Variants in PLEKHG7 observed in about 807,000 individuals in gnomAD.
PLEKHG7 encodes pleckstrin homology and RhoGEF domain containing G7, also known as pleckstrin homology domain-containing family G member 7.
A neutral mutation model predicts 85.2 loss-of-function variants in PLEKHG7; 77 were observed. That is an observed-to-expected ratio of 0.90 (90% CI 0.75 to 1.09). The LOEUF is 1.09. Among genes scored for constraint, PLEKHG7 ranks in the 50% least tolerant of loss-of-function variants. The pLI is 0.00. For synonymous variants in PLEKHG7, 301 were observed against 302.4 expected (o/e 1.00, Z 0.05); for missense variants, 777 against 804.3 (o/e 0.97, Z 0.41).
intron 14 of PLEKHG7, among the ~76,000 whole-genome samples, chr12:92,762,809 G>A (rs1020007428): frequency 1.3e-5 from 2 of 152,148 alleles, no homozygotes; most frequent in African/African-American, 4.8e-5. Flanking sequence ...AATAAACTAA[G>A]CTTCTACATG....
chr12:92,733,724 T>A (rs1565790601), intron 5 of PLEKHG7, among the ~76,000 whole-genome samples: 1 of 152,186 alleles, frequency 6.6e-6, no homozygotes, highest in Non-Finnish European at 1.5e-5. Flanking sequence ...CTCTGAGGGC[T>A]GCCTGAGAGA....
At chr12:92,742,026 A>G (rs1872371536) in intron 9 of PLEKHG7, among the ~76,000 whole-genome samples, 1 of 152,166 alleles carries the variant, frequency 6.6e-6, no homozygotes, top group East Asian at 1.9e-4. Context: ...AAAGAGGAAA[A>G]CCTGTACCCC....
chr12:92,742,372 A>C (rs1253748800), intron 9 of PLEKHG7, among the ~76,000 whole-genome samples: 1 of 152,206 alleles, frequency 6.6e-6, no homozygotes, highest in Non-Finnish European at 1.5e-5. Context: ...AAAAGGAGTA[A>C]CATAAATATA....
intron 14 of PLEKHG7, 108 bp from the exon 15 acceptor site, chr12:92,763,933 G>C (rs1274454780): frequency 4.3e-6 from 4 of 928,754 alleles, no homozygotes; most frequent in Non-Finnish European, 6.1e-6. Flanking sequence ...GGCAATAATA[G>C]TTTTTAGGCA....
At chr12:92,759,586 T>A (rs1406714535) in intron 13 of PLEKHG7, among the ~76,000 whole-genome samples, 2 of 152,214 alleles carry the variant, frequency 1.3e-5, no homozygotes, top group African/African-American at 4.8e-5. Context: ...GCTGGAGCCT[T>A]GATCTGATAG....
rs769474268 is a variant in PLEKHG7, at chr12:92,706,779, A to T, written c.148A>T (p.Thr50Ser). 4 of 1,613,924 alleles carry T rather than the reference A, an allele frequency of 2.5e-6. No homozygotes were observed. The highest frequency in any genetic ancestry group is 2.5e-6 in the Non-Finnish European group (3 of 1,180,018). The change falls in exon 2 of 17, where the codon ACT (threonine) becomes TCT (serine). Residue 50 changes from threonine (T) to serine (S), a missense_variant. By Grantham distance (58) the Thr-to-Ser change is moderately conservative. Around this residue, in one of 3 missense-constraint regions of PLEKHG7, gnomAD observed 252 missense variants for 241.9 expected, o/e 1.04. Coordinates refer to ENST00000344636, the MANE Select transcript of PLEKHG7 (RefSeq NM_001377329.1). ...CCCAGGCCGCATCTCCACCTCGCCC[A>T]CTTTGAGGAGATTAAGGACCCGTGG... ...QAPGRISTSP[T>S]LRRLRTRGCG...
intron 9 of PLEKHG7, among the ~76,000 whole-genome samples, chr12:92,742,591 G>GTTTT (rs35922583): frequency 4.9e-5 from 7 of 143,142 alleles, no homozygotes; most frequent in Non-Finnish European, 7.6e-5. Flanking sequence ...TTGTTGTTTA[G>GTTTT]TTTTTTTTTT....
intron 9 of PLEKHG7, 70 bp downstream of exon 9, chr12:92,741,662 C>T (rs1872360819): frequency 2.6e-6 from 3 of 1,160,852 alleles, no homozygotes; most frequent in Non-Finnish European, 3.7e-6. Context: ...GTTGTTTATA[C>T]CCTACTTGAT....
intron 5 of PLEKHG7, among the ~76,000 whole-genome samples, chr12:92,732,872 T>C (rs1293790522): frequency 6.6e-6 from 1 of 152,126 alleles, no homozygotes; most frequent in Admixed American, 6.5e-5. Context: ...GGAGGGAATG[T>C]TCATGATGAC....
chr12:92,765,841 C>T (rs1873180162), intron 15 of PLEKHG7, among the ~76,000 whole-genome samples: 1 of 151,880 alleles, frequency 6.6e-6, no homozygotes, highest in South Asian at 2.1e-4. Context: ...ATATATTAAC[C>T]CATGAATTAA....
chr12:92,741,543 A>G lies in PLEKHG7; in HGVS notation c.1088A>G (p.Asp363Gly). The change falls in exon 9 of 17, where the codon GAC becomes GGC. Residue 363 changes from aspartate (D) to glycine (G), a missense_variant. Physicochemically the swap from Asp to Gly is moderately conservative, Grantham distance 94 (BLOSUM62 -1). Coordinates refer to ENST00000344636, the MANE Select transcript of PLEKHG7 (RefSeq NM_001377329.1). ...TTTGGCATCATCAAGGACTATGTAG[A>G]CGCTTCTGAGATTTCCTCATCACTG... ...SLFGIIKDYV[D>G]ASEISSSLDF... 1.2e-6 allele frequency: 2 copies of G among 1,613,564 alleles called. No homozygotes were observed. The highest frequency in any genetic ancestry group is 1.7e-6 in the Non-Finnish European group (2 of 1,179,792).
intron 3 of PLEKHG7, among the ~76,000 whole-genome samples, chr12:92,709,110 A>G (rs1169897097): frequency 6.6e-6 from 1 of 152,230 alleles, no homozygotes; most frequent in African/African-American, 2.4e-5. Context: ...AATTGATATG[A>G]TCAGATGGAT....
intron 3 of PLEKHG7, among the ~76,000 whole-genome samples, chr12:92,715,027 G>C (rs1871439876): frequency 7.7e-6 from 1 of 129,052 alleles, no homozygotes; most frequent in Non-Finnish European, 1.7e-5. Context: ...GGGATAGATA[G>C]ATAGATAGAT....
chr12:92,707,350 C>T lies in PLEKHG7; in HGVS notation c.507+212C>T. ...GGAGGAAAGAAAATGATCTCGCTCA[C>T]TTTCTTCTGTCCTTAGAGGCACTTT... On this transcript the variant is annotated intron_variant, in intron 2 of 16. Coordinates refer to ENST00000344636, the MANE Select transcript of PLEKHG7 (RefSeq NM_001377329.1). The T allele has an allele frequency of 2.1e-6, 3 of 1,428,900 alleles. No individual in the cohort carries two copies. The South Asian group carries it at 4.7e-5, about 22-fold the overall frequency. 88.5% of individuals were successfully genotyped at this position (1,428,900 alleles called of 1,614,324 possible). A position where few individuals can be genotyped will look rare whatever the true frequency, so the allele number is the denominator to read the frequency against.
intron 10 of PLEKHG7, among the ~76,000 whole-genome samples, chr12:92,750,009 T>TTTA (rs1257628017): frequency 3.6e-5 from 5 of 140,524 alleles, no homozygotes; most frequent in African/African-American, 1.4e-4. Context: ...ATTATTTTAT[T>TTTA]TTATTTTATT....
intron 9 of PLEKHG7, among the ~76,000 whole-genome samples, chr12:92,743,387 A>G (rs1872425261): frequency 6.6e-6 from 1 of 152,204 alleles, no homozygotes; most frequent in South Asian, 2.1e-4. Flanking sequence ...CCTGTGCCTC[A>G]CAAGAAGCTC....
chr12:92,732,005 C>T (rs933515385), intron 4 of PLEKHG7, among the ~76,000 whole-genome samples: 1 of 152,136 alleles, frequency 6.6e-6, no homozygotes, highest in African/African-American at 2.4e-5. Flanking sequence ...GACAGTACCA[C>T]CTTAAGGCAG....
At chr12:92,756,502 T>C (rs1872837769) in intron 13 of PLEKHG7, 111 bp downstream of exon 13, 6 of 842,604 alleles carry the variant, frequency 7.1e-6, no homozygotes, top group African/African-American at 1.7e-5. Context: ...TTCCAGGTGA[T>C]GGAGGGTGTG....
intron 5 of PLEKHG7, among the ~76,000 whole-genome samples, chr12:92,735,220 G>A (rs1412149903): frequency 6.6e-6 from 1 of 152,166 alleles, no homozygotes; most frequent in Non-Finnish European, 1.5e-5. Context: ...TATGGTTTCA[G>A]ACATCAACAA....
Sources: allele counts gnomAD v4.1 joint callset (sites outside exome capture counted in the v4.1 genomes callset), GRCh38; gene constraint gnomAD v4.1.1; regional missense constraint gnomAD v4.1.1; transcripts MANE v1.5; gene names NCBI Gene and HGNC (gene_info 2026-07-23, HGNC 2026-07-21).